Variants in TBL1Y observed in about 807,000 individuals in gnomAD.
The protein encoded by TBL1Y is F-box-like/WD repeat-containing protein TBL1Y.
Under a neutral mutation model 12.0 loss-of-function variants are expected in TBL1Y, and 15 were observed. The observed-to-expected ratio is 1.25, with a 90% CI of 0.83 to 1.92. The LOEUF is 1.92. Ranked by LOEUF, TBL1Y falls within the 40% of genes most tolerant of loss-of-function variation. The pLI, the probability that TBL1Y is intolerant of heterozygous loss-of-function variation, is 0.00. For missense variants in TBL1Y, 148 were observed against 116.7 expected (o/e 1.27, Z -1.24); for synonymous variants, 53 against 42.6 (o/e 1.24, Z -0.95).
At chrY:7,062,293 A>G in intron 7 of TBL1Y, among the ~76,000 whole-genome samples, 1 of 33,857 alleles carries the variant, frequency 3.0e-5, no homozygotes. Context: ...CCTCCAACAA[A>G]GGGCGTAGCC....
chrY:7,061,485 C>G, intron 7 of TBL1Y, among the ~76,000 whole-genome samples: 1 of 32,091 alleles, frequency 3.1e-5, no homozygotes, highest in Non-Finnish European at 7.6e-5. Flanking sequence ...CTTTGACTTC[C>G]TGTCTCTCTC....
intron 3 of TBL1Y, among the ~76,000 whole-genome samples, chrY:6,985,616 C>T (rs2012311802): frequency 3.0e-5 from 1 of 32,886 alleles, no homozygotes; most frequent in African/African-American, 1.2e-4. Context: ...TATCTGTGAA[C>T]CAGATTTGTA....
At chrY:7,041,753 G>A (rs780444555) in intron 6 of TBL1Y, among the ~76,000 whole-genome samples, 1 of 32,791 alleles carries the variant, frequency 3.0e-5, no homozygotes, top group East Asian at 8.2e-4. Flanking sequence ...TAGACTTGCC[G>A]GCAGTAGGAT....
chrY:7,036,390 C>G (rs763693452), intron 6 of TBL1Y, among the ~76,000 whole-genome samples: 11 of 32,926 alleles, frequency 3.3e-4, no homozygotes, highest in African/African-American at 1.3e-3. Context: ...TGATAATACA[C>G]AAGGATGGTG....
At chrY:6,947,543 T>A in intron 2 of TBL1Y, among the ~76,000 whole-genome samples, 2 of 33,580 alleles carry the variant, frequency 6.0e-5, no homozygotes, top group East Asian at 1.5e-3. Flanking sequence ...TAGAATTTGG[T>A]CCAAACTGTA....
At chrY:6,987,203 G>A (rs374630587) in intron 3 of TBL1Y, among the ~76,000 whole-genome samples, 1 of 33,077 alleles carries the variant, frequency 3.0e-5, no homozygotes, top group Admixed American at 2.8e-4. Context: ...TAATCCAGGT[G>A]CAGAACTATT....
rs35028329 is a variant in TBL1Y at position 7,085,161 on chromosome Y, TACACACAC to T, written c.1078-709_1078-702del. ...TGGGCAACCCCATCTCTGTAAAAAA[TACACACAC>T]ACACACACACACACACACACACACA... On this transcript the variant is annotated intron_variant, in intron 14 of 18. Coordinates refer to ENST00000383032, the MANE Select transcript of TBL1Y (RefSeq NM_033284.2). Among the ~76,000 whole-genome samples, 22 of 16,862 alleles carry T rather than the reference TACACACAC, an allele frequency of 1.3e-3. No homozygotes were observed. The South Asian group carries it at 0.03, about 23-fold the overall frequency. The allele number at this position is 16,862 out of a possible 37,273, so 45.2% of individuals were successfully genotyped here. A position where few individuals can be genotyped will look rare whatever the true frequency, so the allele number is the denominator to read the frequency against.
chrY:7,010,941 A>G (rs2012516323), intron 4 of TBL1Y, among the ~76,000 whole-genome samples: 1 of 33,095 alleles, frequency 3.0e-5, no homozygotes, highest in Non-Finnish European at 7.5e-5. Flanking sequence ...AAAAAAAAAA[A>G]GAAAAAAAGA....
At position 7,064,109 on chromosome Y, in the gene TBL1Y, G is replaced by A. The variant is rs1314494428; in HGVS notation, c.417G>A (p.Glu139=). The change falls in exon 8 of 19, where the codon GAG becomes GAA. Residue 139 remains glutamate, a synonymous_variant. Coordinates refer to ENST00000383032, the MANE Select transcript of TBL1Y (RefSeq NM_033284.2). The part of the protein sequence containing the change: ...ISQQNPPKNR[E]ATVNGEENGA... The stretch of plus-strand genomic sequence containing the variant: ...AGCAAAATCCTCCAAAGAACCGAGA[G>A]GCCACAGTGAACGGGGAAGAGAATG... 7.5e-6 allele frequency: 3 copies of A among 398,647 alleles called. No homozygotes were observed. In the Middle Eastern group the frequency reaches 1.8e-3, roughly 234 times the overall value.
At chrY:6,959,891 C>T (rs2012111484) in intron 2 of TBL1Y, among the ~76,000 whole-genome samples, 1 of 33,494 alleles carries the variant, frequency 3.0e-5, no homozygotes, top group Admixed American at 2.7e-4. Context: ...AAGATCATTA[C>T]TTTGATTTGT....
chrY:6,955,810 T>C, intron 2 of TBL1Y, among the ~76,000 whole-genome samples: 2 of 33,897 alleles, frequency 5.9e-5, no homozygotes, highest in African/African-American at 1.1e-4. Flanking sequence ...GCAGAATTCT[T>C]GCCTTCTGCT....
chrY:7,063,793 T>C, intron 7 of TBL1Y, 104 bp from the exon 8 acceptor site: 1 of 308,988 alleles, frequency 3.2e-6, no homozygotes, highest in Non-Finnish European at 4.9e-6. Flanking sequence ...GAGCCAGCTA[T>C]TTATGCTCCA....
At chrY:7,030,148 G>A (rs963899916) in intron 6 of TBL1Y, among the ~76,000 whole-genome samples, 10 of 34,004 alleles carry the variant, frequency 2.9e-4, no homozygotes, top group Admixed American at 2.7e-3. Context: ...CAACTAAGGC[G>A]GAGGCAAGAC....
intron 4 of TBL1Y, among the ~76,000 whole-genome samples, chrY:7,006,837 C>A (rs2012490184): frequency 3.0e-5 from 1 of 32,996 alleles, no homozygotes; most frequent in Non-Finnish European, 7.4e-5. Flanking sequence ...GACATTTATG[C>A]AGCCAAAAAA....
intron 4 of TBL1Y, among the ~76,000 whole-genome samples, chrY:7,008,701 GT>G (rs2012501446): frequency 3.0e-5 from 1 of 33,049 alleles, no homozygotes; most frequent in African/African-American, 1.2e-4. Flanking sequence ...AGAGAAGTCT[GT>G]TTGACAGAGT....
intron 4 of TBL1Y, among the ~76,000 whole-genome samples, chrY:7,005,613 A>G: frequency 3.0e-5 from 1 of 33,125 alleles, no homozygotes; most frequent in Non-Finnish European, 7.4e-5. Context: ...AAAAACTCCA[A>G]CCAAGTCTTT....
intron 8 of TBL1Y, among the ~76,000 whole-genome samples, chrY:7,067,931 T>C: frequency 3.0e-5 from 1 of 33,131 alleles, no homozygotes; most frequent in Admixed American, 2.7e-4. Context: ...TTTTAGCAGT[T>C]GAATAGTCAT....
chrY:6,951,589 G>A, intron 2 of TBL1Y, among the ~76,000 whole-genome samples: 1 of 32,706 alleles, frequency 3.1e-5, no homozygotes, highest in Non-Finnish European at 7.5e-5. Context: ...TCTTGCTAGC[G>A]GTCTATCAGT....
intron 7 of TBL1Y, among the ~76,000 whole-genome samples, chrY:7,063,150 C>T (rs2012898968): frequency 3.0e-5 from 1 of 33,437 alleles, no homozygotes; most frequent in Non-Finnish European, 7.4e-5. Flanking sequence ...GAGACAGTCC[C>T]CAGTGGGGAA....
Sources: allele counts gnomAD v4.1 joint callset (sites outside exome capture counted in the v4.1 genomes callset), GRCh38; gene constraint gnomAD v4.1.1; transcripts MANE v1.5; gene names NCBI Gene and HGNC (gene_info 2026-07-23, HGNC 2026-07-21).